Variants in TJP1 observed in about 807,000 individuals in gnomAD.
TJP1 encodes the protein tight junction protein ZO-1.
TJP1 carries 43 observed loss-of-function variants against 194.2 expected under a neutral mutation model. The observed-to-expected ratio is 0.22, with a 90% CI of 0.17 to 0.29. The LOEUF is 0.29. TJP1 is among the 10% of genes least tolerant of loss of function. The pLI is 1.00. For synonymous variants in TJP1, 801 were observed against 779.0 expected (o/e 1.03, Z -0.47); for missense variants, 1,971 against 2,185.7 (o/e 0.90, Z 1.96).
chr15:29,714,296 T>A (rs1365349957), intron 23 of TJP1, among the ~76,000 whole-genome samples: 2 of 152,096 alleles, frequency 1.3e-5, no homozygotes, highest in African/African-American at 4.8e-5. Flanking sequence ...TGGAGTGCAG[T>A]GGCGCGATCT....
At chr15:29,901,944 T>A (rs1437224665) in intron 2 of TJP1, among the ~76,000 whole-genome samples, 1 of 152,180 alleles carries the variant, frequency 6.6e-6, no homozygotes, top group Non-Finnish European at 1.5e-5. Context: ...CAGCCCGTAA[T>A]TCTGCATTTG....
intron 2 of TJP1, among the ~76,000 whole-genome samples, chr15:29,931,656 A>C (rs1371247305): frequency 6.6e-6 from 1 of 152,204 alleles, no homozygotes; most frequent in Non-Finnish European, 1.5e-5. Context: ...GAACCGCCTA[A>C]GGTGGGAAAG....
chr15:29,834,127 C>T (rs1298289028), intron 2 of TJP1, among the ~76,000 whole-genome samples: 1 of 150,852 alleles, frequency 6.6e-6, no homozygotes, highest in African/African-American at 2.4e-5. Flanking sequence ...GTGATCGGCC[C>T]ACCTCGGCTT....
chr15:29,761,244 C>G lies in TJP1; in HGVS notation c.905G>C (p.Arg302Pro). The change falls in exon 8 of 28, where the codon CGA becomes CCA. Residue 302 changes from arginine to proline, a missense_variant. By Grantham distance (103) the Arg-to-Pro change is moderately radical (BLOSUM62 -2). Coordinates refer to ENST00000614355, the MANE Select transcript of TJP1 (RefSeq NM_001330239.4). The stretch of plus-strand genomic sequence containing the variant: ...GCGGCGGGGAGGCCTATCGTGTGAT[C>G]GACCAGAATGATCTGATGCCAGTGA... ...IQSLASDHSG[R>P]SHDRPPRRSR... The G allele has an allele frequency of 6.2e-7, 1 of 1,613,948 alleles. No individual in the cohort carries two copies.
chr15:29,793,681 G>A (rs1441217581), intron 2 of TJP1, among the ~76,000 whole-genome samples: 2 of 152,154 alleles, frequency 1.3e-5, no homozygotes, highest in Admixed American at 6.5e-5. Context: ...GTAGCAAGGG[G>A]AGATGGGGCT....
intron 10 of TJP1, among the ~76,000 whole-genome samples, chr15:29,740,116 T>C (rs1349321029): frequency 6.6e-6 from 1 of 151,872 alleles, no homozygotes; most frequent in African/African-American, 2.4e-5. Flanking sequence ...ACCTCCCGAG[T>C]AGCTGGGACT....
intron 1 of TJP1, among the ~76,000 whole-genome samples, chr15:29,965,111 G>C (rs1043393553): frequency 1.3e-5 from 2 of 152,202 alleles, no homozygotes; most frequent in Non-Finnish European, 2.9e-5. Context: ...AGTAAAGACA[G>C]AGAAACACAG....
rs191386861 is a variant in TJP1, at chr15:29,950,234, A to T, written c.306+5998T>A. 1.7e-3 allele frequency among the ~76,000 whole-genome samples: 231 copies of T among 137,578 alleles called. 1 individual carries two copies. Among genetic ancestry groups the T allele is most frequent in the African/African-American group, 5.8e-3 (213 of 36,848 alleles). The allele number at this position is 137,578 out of a possible 152,430, so 90.3% of individuals were successfully genotyped here. A position where few individuals can be genotyped will look rare whatever the true frequency, so the allele number is the denominator to read the frequency against. On this transcript the variant is annotated intron_variant, in intron 2 of 28. Transcript: ENST00000356107. ...CACCTTTACCACCGCTACCTCCACC[A>T]CCACCACCTCCTTCACTACCACCTC...
At chr15:29,728,281 C>G (rs1021284738) in intron 15 of TJP1, 5 of 345,170 alleles carry the variant, frequency 1.4e-5, no homozygotes, top group Non-Finnish European at 2.6e-5. Flanking sequence ...ACATTTTTTT[C>G]TTTTGCCTGG....
intron 2 of TJP1, among the ~76,000 whole-genome samples, chr15:29,787,122 A>G (rs750925233): frequency 2.0e-5 from 3 of 152,150 alleles, no homozygotes; most frequent in Non-Finnish European, 4.4e-5. Context: ...TTATCACTTT[A>G]CTGATATATA....
intron 2 of TJP1, among the ~76,000 whole-genome samples, chr15:29,950,081 A>T (rs1382381340): frequency 3.4e-5 from 1 of 29,058 alleles, no homozygotes; most frequent in Non-Finnish European, 5.5e-5. Context: ...CTCCACCACC[A>T]CCATCTTCAC....
chr15:29,873,067 G>A (rs1172450730), intron 2 of TJP1, among the ~76,000 whole-genome samples: 2 of 152,174 alleles, frequency 1.3e-5, no homozygotes, highest in African/African-American at 2.4e-5. Context: ...CAGGATGAAT[G>A]GGATTTCACA....
At chr15:29,866,326 A>G (rs1342645446) in intron 2 of TJP1, among the ~76,000 whole-genome samples, 2 of 152,216 alleles carry the variant, frequency 1.3e-5, no homozygotes, top group Non-Finnish European at 2.9e-5. Flanking sequence ...CATTAACTAT[A>G]TTTACAGCTT....
In TJP1 at chr15:29,822,094, C is replaced by A; in HGVS notation, c.-66G>T. 1 of 1,239,094 alleles carries A rather than the reference C, an allele frequency of 8.1e-7. No homozygotes were observed. Among genetic ancestry groups the A allele is most frequent in the Admixed American group, 4.3e-5 (1 of 23,406 alleles). 76.8% of individuals were successfully genotyped at this position (1,239,094 alleles called of 1,614,324 possible). ...AAACTCCGCGGCGCTGGCCCGCCCG[C>A]TCCTCACGCCACAGCCCAAATAAAC... On this transcript the variant is annotated 5_prime_UTR_variant, in exon 1 of 28. Coordinates refer to ENST00000614355, the MANE Select transcript of TJP1 (RefSeq NM_001330239.4).
In TJP1 at chr15:29,776,486, C is replaced by T. The variant is rs146424560; in HGVS notation, c.85-3129G>A. On this transcript the variant is annotated intron_variant, in intron 2 of 27. Coordinates refer to ENST00000614355, the MANE Select transcript of TJP1 (RefSeq NM_001330239.4). ...TTTTAGTAGCCTTTTTAGGTAATTA[C>T]GAAAATTCATGTTTGACTTTATGCC... Among the ~76,000 whole-genome samples, 463 of 152,146 alleles carry T rather than the reference C, an allele frequency of 3.0e-3. 2 individuals are homozygous for T. The highest frequency in any genetic ancestry group is 0.011 in the African/African-American group (444 of 41,504).
chr15:29,955,909 A>C (rs1014473215), intron 2 of TJP1, among the ~76,000 whole-genome samples: 3 of 152,010 alleles, frequency 2.0e-5, no homozygotes, highest in Non-Finnish European at 4.4e-5. Flanking sequence ...GTCTCTACTT[A>C]TATTAACATG....
chr15:29,803,932 T>A (rs561590004), intron 1 of TJP1, among the ~76,000 whole-genome samples: 1 of 151,616 alleles, frequency 6.6e-6, no homozygotes, highest in African/African-American at 2.4e-5. Context: ...TAATTGAGAA[T>A]GAAACATCAA....
chr15:29,790,769 A>G (rs1182063980), intron 2 of TJP1, among the ~76,000 whole-genome samples: 2 of 88,390 alleles, frequency 2.3e-5, no homozygotes, highest in Non-Finnish European at 4.9e-5. Context: ...TTTTTTTTTT[A>G]GTTCCCACGA....
intron 2 of TJP1, among the ~76,000 whole-genome samples, chr15:29,935,527 G>A (rs2054854936): frequency 6.6e-6 from 1 of 152,086 alleles, no homozygotes; most frequent in Admixed American, 6.6e-5. Context: ...ACCACCTATG[G>A]TCATTACAAA....
Sources: gnomAD v4.1 joint callset for allele counts (sites outside exome capture counted in the v4.1 genomes callset) on GRCh38, gnomAD v4.1.1 for gene constraint, MANE v1.5 for transcripts, NCBI Gene and HGNC (gene_info 2026-07-23, HGNC 2026-07-21) for gene names.